The following NT5DC1 variants were observed in gnomAD, a reference collection of about 807,000 sequenced individuals.
NT5DC1 encodes 5'-nucleotidase domain containing 1, also known as 5'-nucleotidase domain-containing protein 1.
NT5DC1 carries 42 observed loss-of-function variants against 59.4 expected under a neutral mutation model. That is an observed-to-expected ratio of 0.71 (90% CI 0.55 to 0.92). The LOEUF is 0.92. Among genes scored for constraint, NT5DC1 ranks in the 40% least tolerant of loss-of-function variants. NT5DC1 has a pLI of 0.00. For synonymous variants in NT5DC1, 172 were observed against 188.1 expected, an observed-to-expected ratio of 0.91 and a Z score of 0.70; for missense variants, 501 against 537.1, an observed-to-expected ratio of 0.93 and a Z score of 0.66.
chr6:116,215,652 A>G (rs1350050532), intron 6 of NT5DC1, among the ~76,000 whole-genome samples: 4 of 152,190 alleles, frequency 2.6e-5, no homozygotes, highest in Non-Finnish European at 5.9e-5. Flanking sequence ...TTGTCTGTCC[A>G]GTAACCATGT....
At position 116,248,865 on chromosome 6, in the gene NT5DC1, T is replaced by C. The variant is rs750520821; in HGVS notation, c.*4841T>C. 1 of 152,224 alleles carries C rather than the reference T, an allele frequency of 6.6e-6. No individual in the cohort carries two copies. Among genetic ancestry groups the C allele is most frequent in the Non-Finnish European group, 1.5e-5 (1 of 68,040 alleles). 9.4% of individuals were successfully genotyped at this position (152,224 alleles called of 1,614,324 possible). A position where few individuals can be genotyped will look rare whatever the true frequency, so the allele number is the denominator to read the frequency against. On this transcript the variant is annotated 3_prime_UTR_variant, in exon 12 of 12. Transcript: ENST00000319550. ...TGGTAAGTGAAACCTGTAAGATGCC[T>C]AATTGAGTAATTTAATGACTAATTT...
At chr6:116,194,236 A>G (rs914007809) in intron 6 of NT5DC1, among the ~76,000 whole-genome samples, 3 of 152,098 alleles carry the variant, frequency 2.0e-5, no homozygotes, top group Non-Finnish European at 2.9e-5. Context: ...TTCTAGTAAC[A>G]TGTTCTTTCA....
chr6:116,104,971 C>G (rs1163680022), intron 1 of NT5DC1, among the ~76,000 whole-genome samples: 1 of 152,118 alleles, frequency 6.6e-6, no homozygotes, highest in Non-Finnish European at 1.5e-5. Flanking sequence ...TAAGAAGTGT[C>G]ACCTATGGTT....
At chr6:116,120,734 C>G (rs780295210) in intron 6 of NT5DC1, 1 of 1,590,184 alleles carries the variant, frequency 6.3e-7, no homozygotes, top group Non-Finnish European at 8.5e-7. Flanking sequence ...CCCAGGGAAT[C>G]CTGGAATGCC....
chr6:116,231,768 AG>A (rs1316285656), intron 8 of NT5DC1, among the ~76,000 whole-genome samples: 1 of 152,262 alleles, frequency 6.6e-6, no homozygotes, highest in Non-Finnish European at 1.5e-5. Context: ...AATAAATAAT[AG>A]AACATGTGTA....
rs144652779 is a variant in NT5DC1 at position 116,133,297 on chromosome 6, C to A, written c.529+15352C>A. ...CACATGTTAGTTCCTACTCTGTTTA[C>A]AACTTCAGCTTTCACATGCAGTTTC... On this transcript the variant is annotated intron_variant, in intron 6 of 11. Transcript: ENST00000319550. Among the ~76,000 whole-genome samples, 282 of 152,282 alleles carry A rather than the reference C, an allele frequency of 1.9e-3. 1 individual carries two copies. The highest frequency in any genetic ancestry group is 6.3e-3 in the African/African-American group (262 of 41,572).
At chr6:116,119,894 GT>G (rs1188724982) in intron 6 of NT5DC1, 2 of 631,134 alleles carry the variant, frequency 3.2e-6, no homozygotes, top group Non-Finnish European at 5.5e-6. Flanking sequence ...CTTCACATAC[GT>G]TTTTACGTTG....
rs754139727 is a variant in NT5DC1 at position 116,121,335 on chromosome 6, C to G, written c.529+3390C>G. The G allele has an allele frequency of 6.2e-7, 1 of 1,614,116 alleles. No homozygotes were observed. The highest frequency in any genetic ancestry group is 8.5e-7 in the Non-Finnish European group (1 of 1,179,992). On this transcript the variant is annotated intron_variant, in intron 6 of 11. Transcript: ENST00000319550. ...GCAGCTCCTGGCTTTCCAATGCCTT[C>G]TGGCCCTCGTTCCCCAGGAGGGCCT...
At chr6:116,240,119 T>G (rs1327737449) in intron 11 of NT5DC1, among the ~76,000 whole-genome samples, 1 of 152,132 alleles carries the variant, frequency 6.6e-6, no homozygotes, top group East Asian at 1.9e-4. Context: ...GAAGAGAGGC[T>G]GAGACATAAA....
Position 116,247,400 on chromosome 6 carries a change from G to C in NT5DC1, c.*3376G>C, listed in dbSNP as rs181920051. The C allele has an allele frequency of 1.3e-3, 203 of 152,286 alleles. No individual in the cohort carries two copies. Among genetic ancestry groups the C allele is most frequent in the African/African-American group, 4.5e-3 (187 of 41,566 alleles). The allele number at this position is 152,286 out of a possible 1,614,324, so 9.4% of individuals were successfully genotyped here. On this transcript the variant is annotated 3_prime_UTR_variant, in exon 12 of 12. Transcript: ENST00000319550. The stretch of plus-strand genomic sequence containing the variant: ...CCACACATGTCAAGGTCATCAGTAA[G>C]CAGGCCTACTCTTTCTTCATATTCT...
At chr6:116,235,047 T>C (rs1186032510) in intron 8 of NT5DC1, among the ~76,000 whole-genome samples, 5 of 151,444 alleles carry the variant, frequency 3.3e-5, no homozygotes, top group African/African-American at 7.3e-5. Flanking sequence ...TTTTTTTTTT[T>C]TTTTTTGCTT....
chr6:116,161,186 T>A (rs1344541659), intron 6 of NT5DC1, among the ~76,000 whole-genome samples: 2 of 110,274 alleles, frequency 1.8e-5, no homozygotes, highest in Admixed American at 2.5e-4. Context: ...ATCTGGGGAC[T>A]GTTGTGGGGT....
At chr6:116,177,755 G>A (rs1003037441) in intron 6 of NT5DC1, among the ~76,000 whole-genome samples, 1 of 152,132 alleles carries the variant, frequency 6.6e-6, no homozygotes, top group East Asian at 1.9e-4. Context: ...ATTCTAAAAT[G>A]TTTTCTGACA....
intron 6 of NT5DC1, among the ~76,000 whole-genome samples, chr6:116,192,030 A>C (rs1012071309): frequency 4.6e-5 from 7 of 152,082 alleles, no homozygotes; most frequent in African/African-American, 1.7e-4. Context: ...TCATCCAGTT[A>C]ATCTCCCGTT....
At position 116,155,709 on chromosome 6, in the gene NT5DC1, T is replaced by A. The variant is rs56868570; in HGVS notation, c.529+37764T>A. 7.6e-3 allele frequency among the ~76,000 whole-genome samples: 725 copies of A among 95,626 alleles called. 12 individuals carry two copies. Among genetic ancestry groups the A allele is most frequent in the South Asian group, 0.059 (199 of 3,398 alleles). 62.7% of individuals were successfully genotyped at this position (95,626 alleles called of 152,430 possible). On this transcript the variant is annotated intron_variant, in intron 6 of 11. Coordinates refer to ENST00000319550, the MANE Select transcript of NT5DC1 (RefSeq NM_152729.3). ...ATCCATCTAAAGGGCACTGGGTGAATAAACAACACTGCATCTACACAAAGA... is the reference window on the plus strand; with the variant it reads ...ATCCATCTAAAGGGCACTGGGTGAAAAAACAACACTGCATCTACACAAAGA...
chr6:116,122,039 T>C, intron 6 of NT5DC1: 1 of 1,227,130 alleles, frequency 8.1e-7, no homozygotes, highest in Non-Finnish European at 1.2e-6. Flanking sequence ...CCTTTCAAAC[T>C]ATGAATTGGG....
intron 8 of NT5DC1, among the ~76,000 whole-genome samples, chr6:116,232,272 AT>A (rs770693744): frequency 6.6e-6 from 1 of 152,170 alleles, no homozygotes; most frequent in African/African-American, 2.4e-5. Context: ...TTAACTTATG[AT>A]TTGGGGAGAA....
Position 116,244,216 on chromosome 6 carries a change from TA to T in NT5DC1, c.*196del. On this transcript the variant is annotated 3_prime_UTR_variant, in exon 12 of 12. Transcript: ENST00000319550. Reference sequence around the variant, plus strand: ...TTATTATATTAAAATCTCAGTATCCTAAAACTTAGAACCTTATTGATATTTT... The same window carrying T: ...TTATTATATTAAAATCTCAGTATCCTAAACTTAGAACCTTATTGATATTTT... 2.4e-6 allele frequency: 1 copy of T among 413,082 alleles called. No individual in the cohort carries two copies. Among genetic ancestry groups the T allele is most frequent in the Non-Finnish European group, 4.3e-6 (1 of 231,970 alleles). 25.6% of individuals were successfully genotyped at this position (413,082 alleles called of 1,614,324 possible). A position where few individuals can be genotyped will look rare whatever the true frequency, so the allele number is the denominator to read the frequency against.
chr6:116,242,223 T>C (rs1276360301), intron 11 of NT5DC1, among the ~76,000 whole-genome samples: 1 of 150,762 alleles, frequency 6.6e-6, no homozygotes, highest in Non-Finnish European at 1.5e-5. Flanking sequence ...TACAAAAAAT[T>C]AGCCGGGTAT....
Sources: allele counts gnomAD v4.1 joint callset (sites outside exome capture counted in the v4.1 genomes callset), GRCh38; gene constraint gnomAD v4.1.1; transcripts MANE v1.5; gene names NCBI Gene and HGNC (gene_info 2026-07-23, HGNC 2026-07-21).